RBFOX3: variants seen among roughly 807,000 people sequenced by gnomAD.
RBFOX3 encodes the protein RNA binding protein fox-1 homolog 3.
RBFOX3 carries 17 observed loss-of-function variants against 48.7 expected under a neutral mutation model. The observed-to-expected ratio is 0.35, with a 90% CI of 0.24 to 0.52. RBFOX3 has a LOEUF of 0.52. Ranked by LOEUF, RBFOX3 falls within the 20% of genes least tolerant of loss-of-function variation. The probability of loss-of-function intolerance (pLI) is 0.94; values close to 1 mark genes in which losing one functional copy is unlikely to be tolerated. For synonymous variants in RBFOX3, 212 were observed against 209.5 expected, an observed-to-expected ratio of 1.01 and a Z score of -0.10; for missense variants, 382 against 497.5, an observed-to-expected ratio of 0.77 and a Z score of 2.21.
At chr17:79,237,993 A>G (rs1228194087) in intron 3 of RBFOX3, among the ~76,000 whole-genome samples, 27 of 152,120 alleles carry the variant, frequency 1.8e-4, no homozygotes, top group Admixed American at 1.8e-3. Flanking sequence ...CTGGAGTGCA[A>G]TGGTGCAATC....
chr17:79,148,677 C>T (rs1261950741), intron 4 of RBFOX3, among the ~76,000 whole-genome samples: 2 of 152,256 alleles, frequency 1.3e-5, no homozygotes, highest in Non-Finnish European at 2.9e-5. Flanking sequence ...CAGTGCCCGA[C>T]ATGAGGCAGT....
chr17:79,120,865 C>A (rs185579612), intron 4 of RBFOX3, among the ~76,000 whole-genome samples: 1,921 of 152,166 alleles, frequency 0.013, 17 homozygotes, highest in Non-Finnish European at 0.018. Context: ...TTGTGCCTGG[C>A]AAAACTGGTA....
At chr17:79,490,904 G>A (rs1179333153) in intron 1 of RBFOX3, among the ~76,000 whole-genome samples, 2 of 150,748 alleles carry the variant, frequency 1.3e-5, no homozygotes, top group Non-Finnish European at 3.0e-5. Context: ...GTGAGTGCAT[G>A]AAAGAGTGAA....
At chr17:79,145,571 G>A (rs536227363) in intron 4 of RBFOX3, among the ~76,000 whole-genome samples, 5 of 152,362 alleles carry the variant, frequency 3.3e-5, no homozygotes, top group Admixed American at 1.3e-4. Context: ...AGGGGGCCCC[G>A]CCCCACCGCC....
intron 2 of RBFOX3, among the ~76,000 whole-genome samples, chr17:79,356,366 T>TTTTTTTTGTTTTTG (rs2085058576): frequency 1.9e-5 from 2 of 105,938 alleles, no homozygotes; most frequent in African/African-American, 7.4e-5. Flanking sequence ...TTTTTTTTTT[T>TTTTTTTTGTTTTTG]TTTTTTTTTT....
At chr17:79,225,497 C>T (rs1306594438) in intron 4 of RBFOX3, among the ~76,000 whole-genome samples, 1 of 152,106 alleles carries the variant, frequency 6.6e-6, no homozygotes, top group Non-Finnish European at 1.5e-5. Flanking sequence ...CACCATGTTG[C>T]CCAGGCTGGT....
intron 4 of RBFOX3, among the ~76,000 whole-genome samples, chr17:79,170,218 G>A (rs2048974600): frequency 6.9e-6 from 1 of 144,736 alleles, no homozygotes; most frequent in Admixed American, 6.9e-5. Context: ...CTTGGCTGCA[G>A]TAGGGCTCAG....
chr17:79,173,824 C>T lies in RBFOX3; in HGVS notation c.-33-58076G>A, dbSNP rs533049800. ...TTCATTTTTTACATCATCCACCTATCGGAATGGACTCTCCATGGGTCATTC... is the reference window on the plus strand; with the variant it reads ...TTCATTTTTTACATCATCCACCTATTGGAATGGACTCTCCATGGGTCATTC... On this transcript the variant is annotated intron_variant, in intron 4 of 14. Coordinates refer to ENST00000693108, the MANE Select transcript of RBFOX3 (RefSeq NM_001350451.2). Among the ~76,000 whole-genome samples, 16 of 151,656 alleles carry T rather than the reference C, an allele frequency of 1.1e-4. No homozygotes were observed. In the South Asian group the frequency reaches 3.3e-3, roughly 32 times the overall value.
chr17:79,261,127 C>G (rs1451459663), intron 3 of RBFOX3, among the ~76,000 whole-genome samples: 3 of 152,164 alleles, frequency 2.0e-5, no homozygotes. Flanking sequence ...CAGTTCCCAC[C>G]CCACGGCGTT....
intron 2 of RBFOX3, among the ~76,000 whole-genome samples, chr17:79,434,403 G>A (rs1598673299): frequency 6.6e-6 from 1 of 152,186 alleles, no homozygotes; most frequent in East Asian, 1.9e-4. Context: ...TACGCAGCAA[G>A]AACTGACTTA....
intron 1 of RBFOX3, chr17:79,601,739 G>A (rs1423229567): frequency 6.6e-6 from 1 of 152,164 alleles, no homozygotes; most frequent in Non-Finnish European, 1.5e-5. Context: ...CCATGGGAAG[G>A]GGGCGGGCTG....
At chr17:79,142,923 C>T (rs1035923022) in intron 4 of RBFOX3, among the ~76,000 whole-genome samples, 2 of 152,132 alleles carry the variant, frequency 1.3e-5, no homozygotes, top group African/African-American at 4.8e-5. Flanking sequence ...CCCACCCATG[C>T]ACGTGGCCCT....
intron 1 of RBFOX3, among the ~76,000 whole-genome samples, chr17:79,556,495 T>C (rs2091771096): frequency 6.6e-6 from 1 of 151,918 alleles, no homozygotes; most frequent in South Asian, 2.1e-4. Context: ...AGGGAGCTGT[T>C]GGGGAGGAAG....
intron 2 of RBFOX3, among the ~76,000 whole-genome samples, chr17:79,462,028 T>TA (rs2075434466): frequency 6.6e-6 from 1 of 152,242 alleles, no homozygotes; most frequent in Non-Finnish European, 1.5e-5. Flanking sequence ...CTAAGCCACC[T>TA]AGATTTTGGT....
rs1314500160 is a variant in RBFOX3 at position 79,204,294 on chromosome 17, C to A, written c.-34+31472G>T. Among the ~76,000 whole-genome samples the A allele has an allele frequency of 2.0e-5, 3 of 152,120 alleles. No individual in the cohort carries two copies. Among genetic ancestry groups the A allele is most frequent in the African/African-American group, 7.2e-5 (3 of 41,468 alleles). ...GTGGACGCCGGGGAGCGGACACACA[C>A]CAGCGGGCGCCGGGGAGCGGGTACA... On this transcript the variant is annotated intron_variant, in intron 4 of 14. Transcript: ENST00000693108. The surrounding 1 kb of genome is among the most constrained non-coding windows in gnomAD (Gnocchi z 4.5).
intron 4 of RBFOX3, among the ~76,000 whole-genome samples, chr17:79,178,797 G>T (rs962471018): frequency 6.6e-6 from 1 of 152,212 alleles, no homozygotes; most frequent in African/African-American, 2.4e-5. Flanking sequence ...GCGCAGGACC[G>T]CTGCGTGGGT....
chr17:79,408,199 C>A (rs2063802564), intron 2 of RBFOX3, among the ~76,000 whole-genome samples: 1 of 152,162 alleles, frequency 6.6e-6, no homozygotes, highest in Non-Finnish European at 1.5e-5. Context: ...GAACACCCGG[C>A]CCAGACACAC....
At chr17:79,645,530 A>T in the RBFOX3 span, among the ~76,000 whole-genome samples, 1 of 152,152 alleles carries the variant, frequency 6.6e-6, no homozygotes, top group Non-Finnish European at 1.5e-5. Context: ...TTAAGACCTC[A>T]TACCTTCCAG....
chr17:79,439,754 G>C (rs782116769), intron 2 of RBFOX3, among the ~76,000 whole-genome samples: 4 of 152,204 alleles, frequency 2.6e-5, no homozygotes, highest in Non-Finnish European at 5.9e-5. Context: ...ACATGTGTGC[G>C]TAAGTGCAAG....
Sources: gnomAD v4.1 joint callset for allele counts (sites outside exome capture counted in the v4.1 genomes callset) on GRCh38, gnomAD v4.1.1 for gene constraint, Gnocchi (gnomAD v3.1) non-coding constraint, MANE v1.5 for transcripts, NCBI Gene and HGNC (gene_info 2026-07-23, HGNC 2026-07-21) for gene names.